WWOX: variants seen among roughly 807,000 people sequenced by gnomAD.
WWOX encodes WW domain containing oxidoreductase.
In WWOX, 69 loss-of-function variants were observed where a neutral mutation model predicts 46.2. The ratio of observed to expected loss-of-function variants is 1.49; its 90% confidence interval spans 1.23 to 1.82. The LOEUF (loss-of-function observed/expected upper bound fraction) is 1.82. Among genes scored for constraint, WWOX ranks in the 40% most tolerant of loss-of-function variants. WWOX has a pLI of 0.00. For synonymous variants in WWOX, 359 were observed against 202.6 expected, an observed-to-expected ratio of 1.77 and a Z score of -6.56; for missense variants, 919 against 542.6, an observed-to-expected ratio of 1.69 and a Z score of -6.89.
intron 4 of WWOX, 40 bp downstream of exon 4, chr16:78,115,194 T>C: frequency 1.2e-6 from 2 of 1,610,868 alleles, no homozygotes; most frequent in African/African-American, 2.7e-5. Flanking sequence ...GGGACTGCTA[T>C]AATGAGATCC....
At chr16:78,442,682 A>G (rs1174225501) in intron 8 of WWOX, among the ~76,000 whole-genome samples, 1 of 152,184 alleles carries the variant, frequency 6.6e-6, no homozygotes, top group East Asian at 1.9e-4. Context: ...AACATTGAAC[A>G]TAAAAACCTC....
At chr16:78,588,396 A>T (rs1212306213) in intron 8 of WWOX, among the ~76,000 whole-genome samples, 1 of 152,064 alleles carries the variant, frequency 6.6e-6, no homozygotes, top group African/African-American at 2.4e-5. Context: ...GGGGGCCAGG[A>T]TGGGGCTACT....
intron 5 of WWOX, among the ~76,000 whole-genome samples, chr16:78,205,321 A>G (rs932237881): frequency 2.6e-5 from 4 of 152,164 alleles, no homozygotes; most frequent in Admixed American, 2.6e-4. Flanking sequence ...ATAAGTTAGG[A>G]TAGAAAAACT....
At chr16:78,371,393 A>G (rs72796037) in intron 5 of WWOX, among the ~76,000 whole-genome samples, 8,100 of 152,262 alleles carry the variant, frequency 0.053, 283 homozygotes, top group East Asian at 0.12. Context: ...TGCCTTTGTG[A>G]TCTGGCTCAT....
chr16:78,582,424 A>G (rs751002705), intron 8 of WWOX, among the ~76,000 whole-genome samples: 1 of 152,130 alleles, frequency 6.6e-6, no homozygotes, highest in Non-Finnish European at 1.5e-5. Flanking sequence ...AAATGTAGAG[A>G]TTTAGTTTTT....
chr16:78,722,497 T>C (rs2048716938), intron 8 of WWOX, among the ~76,000 whole-genome samples: 1 of 152,180 alleles, frequency 6.6e-6, no homozygotes, highest in African/African-American at 2.4e-5. Flanking sequence ...AGTAGTGGTA[T>C]CTGTTGTGAT....
intron 5 of WWOX, chr16:78,167,428 C>G (rs1398772732): frequency 6.6e-6 from 1 of 152,222 alleles, no homozygotes; most frequent in Non-Finnish European, 1.5e-5. Flanking sequence ...TAGTTTTACT[C>G]TAACATGTAG....
intron 8 of WWOX, among the ~76,000 whole-genome samples, chr16:78,690,982 C>T (rs540331975): frequency 6.6e-6 from 1 of 152,226 alleles, no homozygotes; most frequent in South Asian, 2.1e-4. Flanking sequence ...TCTATATGTC[C>T]AACGCCATTC....
chr16:78,572,403 C>T (rs377216692), intron 8 of WWOX, among the ~76,000 whole-genome samples: 8 of 151,940 alleles, frequency 5.3e-5, no homozygotes, highest in East Asian at 3.9e-4. Context: ...GATTCCAACC[C>T]GGGCAACATA....
At chr16:78,801,202 C>G (rs1014035279) in intron 8 of WWOX, among the ~76,000 whole-genome samples, 2 of 152,054 alleles carry the variant, frequency 1.3e-5, no homozygotes, top group African/African-American at 4.8e-5. Context: ...TTAAAACAAA[C>G]AAACAAACAC....
At chr16:78,913,913 G>A (rs2045177899) in intron 8 of WWOX, among the ~76,000 whole-genome samples, 1 of 151,874 alleles carries the variant, frequency 6.6e-6, no homozygotes, top group Non-Finnish European at 1.5e-5. Context: ...CTCCTGCCTT[G>A]GCCTCCCAAA....
chr16:79,006,132 A>G (rs2047185764), intron 8 of WWOX, among the ~76,000 whole-genome samples: 1 of 152,236 alleles, frequency 6.6e-6, no homozygotes, highest in African/African-American at 2.4e-5. Context: ...GTGGCTGGCA[A>G]CAAAGACAAT....
At chr16:78,420,526 C>T (rs530522233) in intron 6 of WWOX, among the ~76,000 whole-genome samples, 5 of 152,122 alleles carry the variant, frequency 3.3e-5, no homozygotes, top group Admixed American at 6.6e-5. Flanking sequence ...CAAAAGACTA[C>T]GTATTGTATG....
At chr16:78,532,136 T>G (rs1217020825) in intron 8 of WWOX, among the ~76,000 whole-genome samples, 1 of 152,048 alleles carries the variant, frequency 6.6e-6, no homozygotes, top group Non-Finnish European at 1.5e-5. Flanking sequence ...TTAGTTAGAT[T>G]TATAATGCTA....
chr16:78,625,045 T>C (rs528378260), intron 8 of WWOX, among the ~76,000 whole-genome samples: 1 of 152,278 alleles, frequency 6.6e-6, no homozygotes, highest in South Asian at 2.1e-4. Flanking sequence ...GGAAGAGGTG[T>C]CTTCCCTGGC....
intron 8 of WWOX, among the ~76,000 whole-genome samples, chr16:78,500,425 T>C (rs1877275): frequency 0.89 from 134,456 of 151,538 alleles, 60,536 homozygotes; most frequent in Non-Finnish European, 0.97. Flanking sequence ...TCCTTCCTTT[T>C]TCCCTTCATC....
chr16:79,109,114 C>T (rs1567555865), intron 8 of WWOX, among the ~76,000 whole-genome samples: 1 of 151,966 alleles, frequency 6.6e-6, no homozygotes, highest in Non-Finnish European at 1.5e-5. Context: ...CTCCAGAGCT[C>T]TTGACAATAA....
At chr16:78,672,270 T>C (rs576746139) in intron 8 of WWOX, among the ~76,000 whole-genome samples, 1 of 152,296 alleles carries the variant, frequency 6.6e-6, no homozygotes, top group East Asian at 1.9e-4. Context: ...CATAAAACTG[T>C]CCCAACCACA....
chr16:79,018,411 A>G (rs943791621), intron 8 of WWOX, among the ~76,000 whole-genome samples: 3 of 152,228 alleles, frequency 2.0e-5, no homozygotes, highest in East Asian at 1.9e-4. Context: ...TTTGTGAGCA[A>G]TCAGATACTT....
Sources: allele counts gnomAD v4.1 joint callset (sites outside exome capture counted in the v4.1 genomes callset), GRCh38; gene constraint gnomAD v4.1.1; transcripts MANE v1.5; gene names NCBI Gene and HGNC (gene_info 2026-07-23, HGNC 2026-07-21).